The following CHST15 variants were observed in gnomAD, a reference collection of about 807,000 sequenced individuals.
The protein encoded by CHST15 is B cell RAG associated protein (GALNAC4S-6ST).
In CHST15, 30 loss-of-function variants were observed where a neutral mutation model predicts 53.6. The observed-to-expected ratio is 0.56, with a 90% confidence interval of 0.42 to 0.76. The LOEUF (loss-of-function observed/expected upper bound fraction) is 0.76, where lower values mean the gene tolerates loss of function less well. Ranked by LOEUF, CHST15 falls within the 30% of genes least tolerant of loss-of-function variation. CHST15 has a pLI of 0.00. For missense variants in CHST15, 627 were observed against 740.5 expected (o/e 0.85, Z 1.78); for synonymous variants, 296 against 289.8 (o/e 1.02, Z -0.22).
In CHST15 at chr10:124,042,411, T is replaced by C. The variant is rs201649749; in HGVS notation, c.923A>G (p.Tyr308Cys). 2.5e-6 allele frequency: 4 copies of C among 1,614,202 alleles called. No homozygotes were observed. Among genetic ancestry groups the C allele is most frequent in the East Asian group, 4.5e-5 (2 of 44,892 alleles). The change falls in exon 4 of 8, where the codon TAT becomes TGT. Residue 308 changes from tyrosine to cysteine, a missense_variant. Transcript: ENST00000435907. ...VRLRDGLRDR[Y>C]PVEDYLDLFD... ...GAGGTCCAGATAATCTTCCACGGGATAGCGGTCTCGCAGCCCATCTCTTAG... is the reference window on the plus strand; with the variant it reads ...GAGGTCCAGATAATCTTCCACGGGACAGCGGTCTCGCAGCCCATCTCTTAG...
chr10:124,013,393 C>T (rs530424194), intron 6 of CHST15, among the ~76,000 whole-genome samples: 50 of 152,228 alleles, frequency 3.3e-4, no homozygotes, highest in Non-Finnish European at 1.6e-4. Context: ...AGGATTGCCA[C>T]ATACCATGGC....
chr10:124,036,528 G>A lies in CHST15; in HGVS notation c.1190+1987C>T, dbSNP rs150989375. 6.6e-6 allele frequency among the ~76,000 whole-genome samples: 1 copy of A among 151,996 alleles called. No individual in the cohort carries two copies. The highest frequency in any genetic ancestry group is 1.5e-5 in the Non-Finnish European group (1 of 68,006). ...CTGACCAGGTCATACTCAGAGCAGCGGGAGCCATGCAGACTCCACAAGAGG... is the reference window on the plus strand; with the variant it reads ...CTGACCAGGTCATACTCAGAGCAGCAGGAGCCATGCAGACTCCACAAGAGG... On this transcript the variant is annotated intron_variant, in intron 5 of 7. Coordinates refer to ENST00000435907, the MANE Select transcript of CHST15 (RefSeq NM_001270764.2). This position sits in a 1 kb window ranked among gnomAD's most constrained non-coding sequence, Gnocchi z 5.1.
chr10:124,016,545 C>T (rs1018502948), intron 6 of CHST15, among the ~76,000 whole-genome samples: 3 of 152,156 alleles, frequency 2.0e-5, no homozygotes, highest in African/African-American at 4.8e-5. Context: ...CTCAGCAAAA[C>T]GCAAAATTGA....
intron 1 of CHST15, among the ~76,000 whole-genome samples, chr10:124,089,114 G>A (rs1218327184): frequency 6.6e-6 from 1 of 152,160 alleles, no homozygotes; most frequent in Non-Finnish European, 1.5e-5. Flanking sequence ...CACAGCACTG[G>A]AACAGAGTGA....
Position 124,055,238 on chromosome 10 carries a change from G to A in CHST15, c.-512-8514C>T, listed in dbSNP as rs563109124. 1.3e-4 allele frequency among the ~76,000 whole-genome samples: 20 copies of A among 152,224 alleles called. No individual in the cohort carries two copies. The South Asian group carries it at 3.9e-3, about 30-fold the overall frequency. Reference sequence around the variant, plus strand: ...CCACTCCTTCAAACTTCACTCTCTCGTGAAGATTCCTAGGTCCAGGTAAAA... The same window carrying A: ...CCACTCCTTCAAACTTCACTCTCTCATGAAGATTCCTAGGTCCAGGTAAAA... On this transcript the variant is annotated intron_variant, in intron 1 of 7. Transcript: ENST00000435907.
At chr10:124,042,632 G>C (rs1947787199) in intron 3 of CHST15, among the ~76,000 whole-genome samples, 185 bp from the exon 4 acceptor site, 1 of 152,142 alleles carries the variant, frequency 6.6e-6, no homozygotes, top group Non-Finnish European at 1.5e-5. Context: ...TATGCGGCCT[G>C]GCTACCCACT....
At position 124,024,104 on chromosome 10, in the gene CHST15, C is replaced by T. The variant is rs1343563289; in HGVS notation, c.1191-2692G>A. On this transcript the variant is annotated intron_variant, in intron 5 of 7. Coordinates refer to ENST00000435907, the MANE Select transcript of CHST15 (RefSeq NM_001270764.2). This position sits in a 1 kb window ranked among gnomAD's most constrained non-coding sequence, Gnocchi z 4.0. ...AGGTGATCCACCCACCTCAGCCTCC[C>T]AAAGTGCTGGGATTACGGGCGTGAG... 6.6e-6 allele frequency among the ~76,000 whole-genome samples: 1 copy of T among 152,216 alleles called. No homozygotes were observed. Among genetic ancestry groups the T allele is most frequent in the Non-Finnish European group, 1.5e-5 (1 of 68,034 alleles).
At position 124,042,198 on chromosome 10, in the gene CHST15, A is replaced by G; in HGVS notation, c.1033+103T>C. 3.3e-6 allele frequency: 4 copies of G among 1,221,036 alleles called. No individual in the cohort carries two copies. In the South Asian group the frequency reaches 4.6e-5, roughly 14 times the overall value. 75.6% of individuals were successfully genotyped at this position (1,221,036 alleles called of 1,614,324 possible). A position where few individuals can be genotyped will look rare whatever the true frequency, so the allele number is the denominator to read the frequency against. On this transcript the variant is annotated intron_variant, in intron 4 of 7. Coordinates refer to ENST00000435907, the MANE Select transcript of CHST15 (RefSeq NM_001270764.2). ...GGCTCAAAAGAAGTTTGCTGCCACC[A>G]TGTAAATGTTCTGGAGGTGAAGCAG...
intron 5 of CHST15, among the ~76,000 whole-genome samples, chr10:124,030,521 T>C (rs1434020842): frequency 6.6e-6 from 1 of 152,144 alleles, no homozygotes; most frequent in East Asian, 1.9e-4. Flanking sequence ...GATCCGTGGC[T>C]ATTGCTGCAA....
At position 124,009,322 on chromosome 10, in the gene CHST15, C is replaced by G. The variant is rs932652643; in HGVS notation, c.*827G>C. On this transcript the variant is annotated 3_prime_UTR_variant, in exon 8 of 8. Coordinates refer to ENST00000435907, the MANE Select transcript of CHST15 (RefSeq NM_001270764.2). ...GTTCTTGAGAAAACGTATGAAGAGG[C>G]AGCAGAGAGAGAGCCAGGACTGGTT... 1.9e-6 allele frequency: 2 copies of G among 1,079,568 alleles called. No individual in the cohort carries two copies. Among genetic ancestry groups the G allele is most frequent in the African/African-American group, 3.3e-5 (2 of 60,046 alleles). 66.9% of individuals were successfully genotyped at this position (1,079,568 alleles called of 1,614,324 possible). A position where few individuals can be genotyped will look rare whatever the true frequency, so the allele number is the denominator to read the frequency against.
intron 1 of CHST15, among the ~76,000 whole-genome samples, chr10:124,064,681 T>G (rs1471385802): frequency 7.4e-6 from 1 of 135,764 alleles, no homozygotes; most frequent in African/African-American, 2.8e-5. Flanking sequence ...CCACTCCTGC[T>G]GGCGGCCTTT....
At position 124,038,670 on chromosome 10, in the gene CHST15, C is replaced by G; in HGVS notation, c.1035G>C (p.Gly345=). 1 of 1,613,902 alleles carries G rather than the reference C, an allele frequency of 6.2e-7. No individual in the cohort carries two copies. The highest frequency in any genetic ancestry group is 1.1e-5 in the South Asian group (1 of 91,072). The change falls in exon 5 of 8, where the codon GGG becomes GGC. Residue 345 remains glycine, a splice_region_variant and synonymous_variant. Coordinates refer to ENST00000435907, the MANE Select transcript of CHST15 (RefSeq NM_001270764.2). ...CCCACATCGTGGAGGCACTGGCCTC[C>G]CCTGGAAACAGAAAACACTCCAAGT... The part of the protein sequence containing the change: ...EQSKMNTIII[G]EASASTMWDN...
At position 124,048,720 on chromosome 10, in the gene CHST15, G is replaced by A. The variant is rs939362307; in HGVS notation, c.-512-1996C>T. 1.1e-4 allele frequency among the ~76,000 whole-genome samples: 17 copies of A among 152,298 alleles called. No homozygotes were observed. In the South Asian group the frequency reaches 1.5e-3, roughly 13 times the overall value. On this transcript the variant is annotated intron_variant, in intron 1 of 7. Coordinates refer to ENST00000435907, the MANE Select transcript of CHST15 (RefSeq NM_001270764.2). The stretch of plus-strand genomic sequence containing the variant: ...ATGAGACTCCAACCAGCAGCTCAGC[G>A]GGGAGGGAATTCGCACCCTCCTGTC...
chr10:124,009,253 T>G lies in CHST15; in HGVS notation c.*896A>C. The stretch of plus-strand genomic sequence containing the variant: ...TGTTCAATTCCTTGAGGTTGCTCAT[T>G]CTGGCATTAACAGCAAAAATTTCTC... On this transcript the variant is annotated 3_prime_UTR_variant, in exon 8 of 8. Transcript: ENST00000435907. 9.2e-7 allele frequency: 1 copy of G among 1,089,852 alleles called. No homozygotes were observed. The highest frequency in any genetic ancestry group is 1.1e-6 in the Non-Finnish European group (1 of 885,822). The allele number at this position is 1,089,852 out of a possible 1,614,324, so 67.5% of individuals were successfully genotyped here.
chr10:124,055,821 G>A (rs1412848013), intron 1 of CHST15, among the ~76,000 whole-genome samples: 1 of 152,202 alleles, frequency 6.6e-6, no homozygotes, highest in African/African-American at 2.4e-5. Flanking sequence ...AGCCACTGCT[G>A]TACAGATGGG....
At chr10:124,091,813 C>T (rs1052501569) in intron 1 of CHST15, among the ~76,000 whole-genome samples, 1 of 152,124 alleles carries the variant, frequency 6.6e-6, no homozygotes, top group East Asian at 1.9e-4. Flanking sequence ...CCTTCGAAGA[C>T]TTCCCTACAC....
intron 1 of CHST15, among the ~76,000 whole-genome samples, chr10:124,081,037 G>A (rs562588289): frequency 2.0e-5 from 3 of 152,306 alleles, no homozygotes; most frequent in Admixed American, 6.5e-5. Flanking sequence ...GGCCACTGTG[G>A]GGATGAGAAT....
intron 1 of CHST15, among the ~76,000 whole-genome samples, chr10:124,073,127 G>T (rs1948972340): frequency 6.6e-6 from 1 of 152,284 alleles, no homozygotes; most frequent in Admixed American, 6.5e-5. Flanking sequence ...CAACAGAAAG[G>T]CATCCATATG....
rs1946362663 is a variant in CHST15, at chr10:124,009,856, T to C, written c.*293A>G. ...CCCTAGGTGTTCTCTCCACACCCAG[T>C]GCAGGCCAGCTGGCTGCATCCCCAA... On this transcript the variant is annotated 3_prime_UTR_variant, in exon 8 of 8. Transcript: ENST00000435907. 5.7e-6 allele frequency: 7 copies of C among 1,220,380 alleles called. No homozygotes were observed. In the South Asian group the frequency reaches 7.1e-5, roughly 12 times the overall value. 75.6% of individuals were successfully genotyped at this position (1,220,380 alleles called of 1,614,324 possible).
Sources: allele counts gnomAD v4.1 joint callset (sites outside exome capture counted in the v4.1 genomes callset), GRCh38; gene constraint gnomAD v4.1.1; non-coding constraint Gnocchi (gnomAD v3.1); transcripts MANE v1.5; gene names NCBI Gene and HGNC (gene_info 2026-07-23, HGNC 2026-07-21).